The following CELF2 variants were observed in gnomAD, a reference collection of about 807,000 sequenced individuals.
CELF2 encodes the protein CUG triplet repeat RNA-binding protein 2.
A neutral mutation model predicts 62.6 loss-of-function variants in CELF2; 8 were observed. The ratio of observed to expected loss-of-function variants is 0.13; its 90% CI spans 0.07 to 0.23. The LOEUF is 0.23. Among genes scored for constraint, CELF2 ranks in the 10% least tolerant of loss-of-function variants. The pLI is 1.00. For synonymous variants in CELF2, 258 were observed against 250.0 expected (o/e 1.03, Z -0.30); for missense variants, 333 against 671.0 (o/e 0.50, Z 5.56).
chr10:11,125,574 A>G (rs970301843), intron 1 of CELF2, among the ~76,000 whole-genome samples: 12 of 147,374 alleles, frequency 8.1e-5, no homozygotes, highest in Admixed American at 6.0e-4. Flanking sequence ...CTTTTTTAAA[A>G]TAAACCAATG....
chr10:10,878,169 C>T (rs535253833), intron 1 of CELF2, among the ~76,000 whole-genome samples: 1 of 152,214 alleles, frequency 6.6e-6, no homozygotes, highest in East Asian at 1.9e-4. Flanking sequence ...CCTGAAGATC[C>T]TATAGGATCC....
rs1445783731 is a variant in CELF2, at chr10:11,269,252, T to G, written c.619-1414T>G. Among the ~76,000 whole-genome samples, 2 of 152,234 alleles carry G rather than the reference T, an allele frequency of 1.3e-5. No homozygotes were observed. The highest frequency in any genetic ancestry group is 4.8e-5 in the African/African-American group (2 of 41,452). ...ACTATTTTTGTGCAATTTACTGACATTTAACATTCTGTACCATGACTCTGT... is the reference window on the plus strand; with the variant it reads ...ACTATTTTTGTGCAATTTACTGACAGTTAACATTCTGTACCATGACTCTGT... On this transcript the variant is annotated intron_variant, in intron 6 of 12. Coordinates refer to ENST00000633077, the MANE Select transcript of CELF2 (RefSeq NM_001326342.2). This position sits in a 1 kb window ranked among gnomAD's most constrained non-coding sequence, Gnocchi z 4.4.
intron 4 of CELF2, among the ~76,000 whole-genome samples, chr10:11,256,118 C>T (rs1589956969): frequency 6.6e-6 from 1 of 152,250 alleles, no homozygotes; most frequent in East Asian, 1.9e-4. Context: ...TAGCTGTCTC[C>T]TCTAGGCCCT....
chr10:11,025,227 G>A (rs964170589), intron 1 of CELF2, among the ~76,000 whole-genome samples: 1 of 59,958 alleles, frequency 1.7e-5, no homozygotes, highest in Non-Finnish European at 5.2e-5. Flanking sequence ...GTGTGTGTGT[G>A]TGTGTGTGTG....
intron 1 of CELF2, among the ~76,000 whole-genome samples, chr10:11,108,708 G>GTC (rs1227594790): frequency 1.3e-5 from 2 of 152,152 alleles, no homozygotes; most frequent in Non-Finnish European, 2.9e-5. Context: ...GTTTCCCCAC[G>GTC]TCTCCACTTG....
chr10:10,804,912 A>G (rs1298461221), intron 1 of CELF2, among the ~76,000 whole-genome samples: 1 of 152,188 alleles, frequency 6.6e-6, no homozygotes, highest in Non-Finnish European at 1.5e-5. Flanking sequence ...TCATGTGTGG[A>G]TACCCTTCGG....
intron 1 of CELF2, among the ~76,000 whole-genome samples, chr10:10,863,808 C>A (rs775171216): frequency 7.2e-5 from 11 of 152,154 alleles, no homozygotes; most frequent in Admixed American, 2.6e-4. Context: ...AAAAACAGAA[C>A]TTACCCTCTG....
the CELF2 span, among the ~76,000 whole-genome samples, chr10:10,658,403 T>A: frequency 1.3e-5 from 2 of 152,202 alleles, no homozygotes; most frequent in African/African-American, 4.8e-5. Flanking sequence ...AAAGATAATA[T>A]TGACATTTTT....
At chr10:10,784,884 T>C in the CELF2 span, among the ~76,000 whole-genome samples, 10 of 152,270 alleles carry the variant, frequency 6.6e-5, no homozygotes, top group African/African-American at 2.4e-4. Context: ...AGGTGGCTGA[T>C]AGAGTTTGCA....
Position 11,163,946 on chromosome 10 carries a change from A to T in CELF2, c.75-1540A>T, listed in dbSNP as rs952449814. 2.0e-5 allele frequency among the ~76,000 whole-genome samples: 3 copies of T among 152,224 alleles called. No individual in the cohort carries two copies. The East Asian group carries it at 5.8e-4, about 29-fold the overall frequency. On this transcript the variant is annotated intron_variant, in intron 1 of 12. Transcript: ENST00000633077. ...GTGTATTTGTCTGGTGTTTCATTTTAACCAAGTAAGTAGCTCTCTGTAAGA... is the reference window on the plus strand; with the variant it reads ...GTGTATTTGTCTGGTGTTTCATTTTTACCAAGTAAGTAGCTCTCTGTAAGA...
chr10:11,301,923 G>A (rs187716196), intron 9 of CELF2, among the ~76,000 whole-genome samples: 9 of 152,240 alleles, frequency 5.9e-5, no homozygotes, highest in Admixed American at 4.6e-4. Context: ...GGCCTCATGT[G>A]GAGAGAGCCA....
In CELF2 at chr10:11,244,380, G is replaced by A. The variant is rs553337827; in HGVS notation, c.355-4773G>A. On this transcript the variant is annotated intron_variant, in intron 3 of 12. Coordinates refer to ENST00000633077, the MANE Select transcript of CELF2 (RefSeq NM_001326342.2). The surrounding 1 kb of genome is among the most constrained non-coding windows in gnomAD (Gnocchi z 4.2). Reference sequence around the variant, plus strand: ...TTTTAACAACTTCCATTGGCCGGGCGTGGTGGCTCACGCCTATAATCCCAG... The same window carrying A: ...TTTTAACAACTTCCATTGGCCGGGCATGGTGGCTCACGCCTATAATCCCAG... 7.2e-5 allele frequency among the ~76,000 whole-genome samples: 11 copies of A among 152,326 alleles called. No homozygotes were observed. Among genetic ancestry groups the A allele is most frequent in the East Asian group, 3.9e-4 (2 of 5,186 alleles).
chr10:10,527,662 T>G, the CELF2 span, among the ~76,000 whole-genome samples: 1 of 152,174 alleles, frequency 6.6e-6, no homozygotes, highest in East Asian at 1.9e-4. Flanking sequence ...CACTGGAGAC[T>G]CCAAGCCATC....
the CELF2 span, among the ~76,000 whole-genome samples, chr10:10,765,529 T>C: frequency 6.6e-6 from 1 of 152,120 alleles, no homozygotes; most frequent in Non-Finnish European, 1.5e-5. Context: ...ACAATTGGGC[T>C]TTATTGCTGT....
intron 11 of CELF2, among the ~76,000 whole-genome samples, chr10:11,322,673 T>C (rs971638763): frequency 1.3e-5 from 2 of 152,164 alleles, no homozygotes; most frequent in Non-Finnish European, 2.9e-5. Context: ...GAAAAGGTTT[T>C]TTCTTTGTAT....
At chr10:10,814,309 C>T (rs1190903198) in intron 1 of CELF2, among the ~76,000 whole-genome samples, 1 of 149,934 alleles carries the variant, frequency 6.7e-6, no homozygotes, top group Non-Finnish European at 1.5e-5. Flanking sequence ...CCAAAAGAGC[C>T]AGAAGATGAC....
chr10:10,704,585 T>C, the CELF2 span, among the ~76,000 whole-genome samples: 1 of 152,096 alleles, frequency 6.6e-6, no homozygotes, highest in Non-Finnish European at 1.5e-5. Flanking sequence ...ACTATAAAAT[T>C]AAAAGGCTGG....
At chr10:10,675,903 C>A in the CELF2 span, among the ~76,000 whole-genome samples, 8 of 152,174 alleles carry the variant, frequency 5.3e-5, no homozygotes, top group African/African-American at 1.9e-4. Flanking sequence ...GCATATTAAT[C>A]ACAGTTGTTT....
At chr10:11,175,234 G>A (rs2070622466) in intron 2 of CELF2, among the ~76,000 whole-genome samples, 1 of 152,096 alleles carries the variant, frequency 6.6e-6, no homozygotes, top group African/African-American at 2.4e-5. Flanking sequence ...AGTTCCAAGG[G>A]AGAGCAGCAT....
Sources: gnomAD v4.1 joint callset for allele counts (sites outside exome capture counted in the v4.1 genomes callset) on GRCh38, gnomAD v4.1.1 for gene constraint, Gnocchi (gnomAD v3.1) non-coding constraint, MANE v1.5 for transcripts, NCBI Gene and HGNC (gene_info 2026-07-23, HGNC 2026-07-21) for gene names.